ERICH3: variants seen among roughly 807,000 people sequenced by gnomAD.
ERICH3 encodes the protein glutamate rich 3, also known as glutamate-rich protein 3.
In ERICH3, 126 loss-of-function variants were observed where a neutral mutation model predicts 131.1. The ratio of observed to expected loss-of-function variants is 0.96; its 90% confidence interval spans 0.83 to 1.11. ERICH3 has a LOEUF of 1.11. ERICH3 is among the 50% of genes most tolerant of loss of function. The pLI is 0.00. For synonymous variants in ERICH3, 695 were observed against 644.6 expected (o/e 1.08, Z -1.18); for missense variants, 2,050 against 1,810.7 (o/e 1.13, Z -2.40).
Position 74,608,438 on chromosome 1 carries a change from C to A in ERICH3, c.1188-1536G>T, listed in dbSNP as rs189746890. ...GAAAGCAGTCAAGACTTGCTAGTCC[C>A]AGAAGAATAGAAATAATATGTAAAA... On this transcript the variant is annotated intron_variant, in intron 9 of 14. Coordinates refer to ENST00000326665, the MANE Select transcript of ERICH3 (RefSeq NM_001002912.5). 4.0e-3 allele frequency among the ~76,000 whole-genome samples: 601 copies of A among 151,984 alleles called. 5 individuals carry two copies. Among genetic ancestry groups the A allele is most frequent in the African/African-American group, 0.014 (569 of 41,478 alleles).
intron 7 of ERICH3, among the ~76,000 whole-genome samples, chr1:74,629,244 C>A (rs571600399): frequency 7.3e-5 from 11 of 150,872 alleles, no homozygotes; most frequent in Admixed American, 7.3e-4. Flanking sequence ...AAAAAAAAAA[C>A]CTCTCAGCAA....
At chr1:74,648,069 G>A (rs768371578) in intron 2 of ERICH3, among the ~76,000 whole-genome samples, 1 of 151,972 alleles carries the variant, frequency 6.6e-6, no homozygotes, top group Non-Finnish European at 1.5e-5. Context: ...TCTCACATTC[G>A]CATTTTCTGT....
intron 13 of ERICH3, among the ~76,000 whole-genome samples, chr1:74,573,758 A>G (rs1362274338): frequency 2.0e-5 from 3 of 152,184 alleles, no homozygotes; most frequent in African/African-American, 4.8e-5. Context: ...GCTGATCATC[A>G]GAGATGTTTA....
intron 1 of ERICH3, among the ~76,000 whole-genome samples, chr1:74,656,295 A>G (rs1646583020): frequency 6.6e-6 from 1 of 152,162 alleles, no homozygotes; most frequent in African/African-American, 2.4e-5. Context: ...AGGTTGCCTT[A>G]ATAAATGCTT....
Position 74,572,184 on chromosome 1 carries a change from C to T in ERICH3, c.3526G>A (p.Glu1176Lys), listed in dbSNP as rs1374290315. ...TCACTCAGTCTTTCCCCTCCTCCTT[C>T]TTTCCTCAGAGCTGTTATGTTTTCC... The part of the protein sequence containing the change: ...SLENITALRK[E>K]GGGERLSEAR... Residue 1176 changes from glutamate (E) to lysine (K), a missense_variant, in exon 14 of 15, where the codon GAA (glutamate) becomes AAA (lysine). Coordinates refer to ENST00000326665, the MANE Select transcript of ERICH3 (RefSeq NM_001002912.5). 6.2e-7 allele frequency: 1 copy of T among 1,613,790 alleles called. No individual in the cohort carries two copies.
At chr1:74,656,365 C>G (rs905577591) in intron 1 of ERICH3, among the ~76,000 whole-genome samples, 2 of 152,144 alleles carry the variant, frequency 1.3e-5, no homozygotes, top group East Asian at 1.9e-4. Context: ...GGCCCCATCA[C>G]AAGATATTTT....
intron 1 of ERICH3, among the ~76,000 whole-genome samples, chr1:74,670,914 A>T (rs1010589785): frequency 6.6e-6 from 1 of 152,128 alleles, no homozygotes; most frequent in African/African-American, 2.4e-5. Flanking sequence ...CATTCCTGGG[A>T]GGAGGTCTAT....
At chr1:74,632,005 C>A in intron 6 of ERICH3, 77 bp from the exon 7 acceptor site, 1 of 1,315,760 alleles carries the variant, frequency 7.6e-7, no homozygotes, top group Non-Finnish European at 1.1e-6. Context: ...TAAAGACAAG[C>A]CTAAATGATT....
intron 1 of ERICH3, among the ~76,000 whole-genome samples, chr1:74,661,457 G>T (rs532712780): frequency 1.2e-4 from 19 of 152,058 alleles, no homozygotes; most frequent in Non-Finnish European, 2.4e-4. Context: ...GTCATGAATT[G>T]GTAGGTCAAT....
At chr1:74,580,953 A>G (rs971658524) in intron 12 of ERICH3, among the ~76,000 whole-genome samples, 1 of 152,126 alleles carries the variant, frequency 6.6e-6, no homozygotes, top group African/African-American at 2.4e-5. Context: ...TCCAATGGCT[A>G]TTGTTGCCAT....
At chr1:74,603,450 A>C (rs1338031866) in intron 10 of ERICH3, among the ~76,000 whole-genome samples, 1 of 151,934 alleles carries the variant, frequency 6.6e-6, no homozygotes, top group Non-Finnish European at 1.5e-5. Flanking sequence ...GTGTGTGCAC[A>C]GTGCCTAGTT....
At chr1:74,669,403 G>A (rs1646721181) in intron 1 of ERICH3, among the ~76,000 whole-genome samples, 1 of 152,148 alleles carries the variant, frequency 6.6e-6, no homozygotes, top group South Asian at 2.1e-4. Flanking sequence ...ACAGCCAAGT[G>A]TATCTTTTAC....
At chr1:74,672,909 C>T (rs1646754919) in intron 1 of ERICH3, among the ~76,000 whole-genome samples, 1 of 152,052 alleles carries the variant, frequency 6.6e-6, no homozygotes, top group Admixed American at 6.6e-5. Flanking sequence ...TACACAGGCA[C>T]ACAACTCCTC....
intron 14 of ERICH3, 109 bp from the exon 15 acceptor site, chr1:74,570,548 T>C (rs1356967623): frequency 1.3e-5 from 2 of 152,128 alleles, no homozygotes; most frequent in Non-Finnish European, 2.9e-5. Context: ...ATGCAAAAAA[T>C]AATTTTAGTT....
intron 8 of ERICH3, among the ~76,000 whole-genome samples, chr1:74,619,166 G>A (rs1434156768): frequency 2.6e-5 from 4 of 152,184 alleles, no homozygotes; most frequent in Admixed American, 1.3e-4. Flanking sequence ...GCATCAATAT[G>A]TATGCAAAAT....
chr1:74,593,270 T>A (rs1647691645), intron 11 of ERICH3, among the ~76,000 whole-genome samples: 1 of 152,142 alleles, frequency 6.6e-6, no homozygotes, highest in Non-Finnish European at 1.5e-5. Context: ...GACAACTGCT[T>A]CTTTCTTTCT....
Position 74,576,950 on chromosome 1 carries a change from A to T in ERICH3, c.2177-14T>A, listed in dbSNP as rs374635424. ...ATGAATCCTTTCCTAGTTAAAAAAA[A>T]AAAAAAGAAAAAAAAGGTCAAATGA... On this transcript the variant is annotated splice_polypyrimidine_tract_variant and intron_variant, in intron 12 of 14. Transcript: ENST00000326665. 6.3e-7 allele frequency: 1 copy of T among 1,587,722 alleles called. No individual in the cohort carries two copies. Among genetic ancestry groups the T allele is most frequent in the African/African-American group, 1.4e-5 (1 of 72,890 alleles).
chr1:74,594,273 C>CGTGTGTGTGTGTGT (rs10655150), intron 11 of ERICH3, among the ~76,000 whole-genome samples: 90 of 144,886 alleles, frequency 6.2e-4, no homozygotes, highest in African/African-American at 2.2e-3. Flanking sequence ...AAAAATGGGG[C>CGTGTGTGTGTGTGT]GTGTGTGTGT....
Position 74,571,769 on chromosome 1 carries a change from G to A in ERICH3, c.3941C>T (p.Ser1314Leu), listed in dbSNP as rs1340141775. The A allele has an allele frequency of 1.9e-6, 3 of 1,613,864 alleles. No homozygotes were observed. The highest frequency in any genetic ancestry group is 1.7e-5 in the Admixed American group (1 of 60,004). Reference sequence around the variant, plus strand: ...TCCTTCCATGTCCCCGTCCCCTTCCGAGTTCCTGTCCTGCATCGCTTCTGT... The same window carrying A: ...TCCTTCCATGTCCCCGTCCCCTTCCAAGTTCCTGTCCTGCATCGCTTCTGT... Reference protein sequence around the residue: ...LETEAMQDRNSEGDGDMEGEG... With the variant: ...LETEAMQDRNLEGDGDMEGEG... Residue 1314 changes from serine (S) to leucine (L), a missense_variant, in exon 14 of 15, where the codon TCG becomes TTG. Physicochemically the swap from Ser to Leu is moderately radical, Grantham distance 145. Transcript: ENST00000326665.
Sources: allele counts gnomAD v4.1 joint callset (sites outside exome capture counted in the v4.1 genomes callset), GRCh38; gene constraint gnomAD v4.1.1; transcripts MANE v1.5; gene names NCBI Gene and HGNC (gene_info 2026-07-23, HGNC 2026-07-21).